PDLIM5: variants seen among roughly 807,000 people sequenced by gnomAD.
PDLIM5 encodes the protein PDZ and LIM domain protein 5.
A neutral mutation model predicts 64.2 loss-of-function variants in PDLIM5; 34 were observed. The ratio of observed to expected loss-of-function variants is 0.53; its 90% CI spans 0.40 to 0.71. The LOEUF (loss-of-function observed/expected upper bound fraction) is 0.71, where lower values mean the gene tolerates loss of function less well. PDLIM5 is among the 30% of genes least tolerant of loss of function. PDLIM5 has a pLI of 0.00. For synonymous variants in PDLIM5, 253 were observed against 269.1 expected (o/e 0.94, Z 0.59); for missense variants, 683 against 733.6 (o/e 0.93, Z 0.80).
rs755995638 is a variant in PDLIM5, at chr4:94,523,890, G to A, written c.248+15G>A. On this transcript the variant is annotated intron_variant, in intron 3 of 12. Coordinates refer to ENST00000317968, the MANE Select transcript of PDLIM5 (RefSeq NM_006457.5). ...ACTCTGCAAAGGTAAGTTGCTTTTTGTTTGTCCCTGAAAGAGAAAACAACA... is the reference window on the plus strand; with the variant it reads ...ACTCTGCAAAGGTAAGTTGCTTTTTATTTGTCCCTGAAAGAGAAAACAACA... The A allele has an allele frequency of 1.2e-6, 2 of 1,601,232 alleles. No individual in the cohort carries two copies. The highest frequency in any genetic ancestry group is 1.1e-5 in the South Asian group (1 of 90,198).
intron 8 of PDLIM5, among the ~76,000 whole-genome samples, chr4:94,637,414 C>T (rs1165396048): frequency 6.6e-6 from 1 of 151,954 alleles, no homozygotes; most frequent in Non-Finnish European, 1.5e-5. Context: ...CAAAAATTAG[C>T]CCAGCGTGGT....
intron 7 of PDLIM5, among the ~76,000 whole-genome samples, chr4:94,595,038 T>A (rs1736958032): frequency 6.6e-6 from 1 of 152,096 alleles, no homozygotes; most frequent in Admixed American, 6.6e-5. Flanking sequence ...AAGGGGAAGC[T>A]GGTACATCTT....
At chr4:94,540,752 C>G (rs1182885377) in intron 3 of PDLIM5, among the ~76,000 whole-genome samples, 1 of 152,202 alleles carries the variant, frequency 6.6e-6, no homozygotes, top group Non-Finnish European at 1.5e-5. Context: ...CTATTTAAAA[C>G]CTGTTCTGCT....
intron 3 of PDLIM5, among the ~76,000 whole-genome samples, chr4:94,532,764 C>T (rs1405800134): frequency 6.6e-6 from 1 of 152,054 alleles, no homozygotes; most frequent in East Asian, 1.9e-4. Context: ...TTTGGGAGGC[C>T]GTGGTGGGCA....
intron 3 of PDLIM5, among the ~76,000 whole-genome samples, chr4:94,535,685 T>C (rs1731260640): frequency 6.6e-6 from 1 of 152,160 alleles, no homozygotes; most frequent in African/African-American, 2.4e-5. Context: ...ATTATGCTTA[T>C]ATCTTGAACG....
At chr4:94,518,070 A>G (rs41505145) in intron 2 of PDLIM5, among the ~76,000 whole-genome samples, 4,070 of 152,316 alleles carry the variant, frequency 0.027, 85 homozygotes, top group Middle Eastern at 0.065. Flanking sequence ...TTTCATATAT[A>G]GACAATTCTA....
intron 2 of PDLIM5, among the ~76,000 whole-genome samples, chr4:94,489,276 C>A (rs937982733): frequency 2.0e-5 from 3 of 152,124 alleles, no homozygotes; most frequent in African/African-American, 7.2e-5. Flanking sequence ...GTCCCTGGTT[C>A]TGGAACTTTA....
At chr4:94,630,361 A>C (rs956430701) in intron 8 of PDLIM5, among the ~76,000 whole-genome samples, 1 of 151,918 alleles carries the variant, frequency 6.6e-6, no homozygotes, top group Non-Finnish European at 1.5e-5. Flanking sequence ...ATTAGTATCC[A>C]TTGATTGATA....
intron 3 of PDLIM5, among the ~76,000 whole-genome samples, chr4:94,524,501 T>C (rs1730161867): frequency 6.6e-6 from 1 of 151,908 alleles, no homozygotes; most frequent in Admixed American, 6.6e-5. Flanking sequence ...TATTAAAGGG[T>C]ATTCTTTTAG....
chr4:94,627,087 G>A (rs140150415), intron 8 of PDLIM5, among the ~76,000 whole-genome samples: 14 of 152,154 alleles, frequency 9.2e-5, no homozygotes, highest in East Asian at 7.7e-4. Flanking sequence ...TACCAGTTGC[G>A]TATATTTCAT....
rs368766780 is a variant in PDLIM5 at position 94,489,235 on chromosome 4, C to T, written c.96+33851C>T. On this transcript the variant is annotated intron_variant, in intron 2 of 12. Coordinates refer to ENST00000317968, the MANE Select transcript of PDLIM5 (RefSeq NM_006457.5). ...AGTAGCTGTGTTAGCAGCTGTGAACCGGGCCTATCTATGTCAGTCTGGAAT... is the reference window on the plus strand; with the variant it reads ...AGTAGCTGTGTTAGCAGCTGTGAACTGGGCCTATCTATGTCAGTCTGGAAT... 1.1e-3 allele frequency among the ~76,000 whole-genome samples: 169 copies of T among 152,174 alleles called. 3 individuals carry two copies. The Middle Eastern group carries it at 0.017, about 15-fold the overall frequency.
intron 7 of PDLIM5, among the ~76,000 whole-genome samples, chr4:94,593,607 G>A (rs1366675896): frequency 3.9e-5 from 6 of 152,032 alleles, no homozygotes; most frequent in African/African-American, 1.2e-4. Context: ...GTTCTATTGG[G>A]TCAGGGTCCC....
chr4:94,560,875 C>A (rs923317844), intron 3 of PDLIM5, among the ~76,000 whole-genome samples: 6 of 151,998 alleles, frequency 3.9e-5, no homozygotes, highest in African/African-American at 1.4e-4. Flanking sequence ...TACAGTCGCC[C>A]GCCACCACGC....
At position 94,487,816 on chromosome 4, in the gene PDLIM5, G is replaced by A. The variant is rs1726490929; in HGVS notation, c.96+32432G>A. Among the ~76,000 whole-genome samples, 3 of 152,180 alleles carry A rather than the reference G, an allele frequency of 2.0e-5. No individual in the cohort carries two copies. The South Asian group carries it at 6.2e-4, about 32-fold the overall frequency. ...TGTTTCTTAAGAAACTTGAAAGGGT[G>A]TATAGGAGTCTCTGGAACAGCGTTG... On this transcript the variant is annotated intron_variant, in intron 2 of 12. Transcript: ENST00000317968.
chr4:94,568,023 A>T (rs1279590064), intron 3 of PDLIM5, among the ~76,000 whole-genome samples: 2 of 152,352 alleles, frequency 1.3e-5, no homozygotes, highest in South Asian at 2.1e-4. Flanking sequence ...TTCATTTCTT[A>T]TATCAGTATC....
intron 2 of PDLIM5, among the ~76,000 whole-genome samples, chr4:94,507,850 A>G (rs1728522395): frequency 6.6e-6 from 1 of 152,206 alleles, no homozygotes; most frequent in South Asian, 2.1e-4. Context: ...ATGAATCAGC[A>G]GACAGTGTGC....
At chr4:94,555,745 G>A (rs1028440502) in intron 3 of PDLIM5, among the ~76,000 whole-genome samples, 1 of 151,620 alleles carries the variant, frequency 6.6e-6, no homozygotes, top group Non-Finnish European at 1.5e-5. Context: ...CTAACTACAA[G>A]GTATAGGTAT....
At chr4:94,556,254 C>G (rs1365576248) in intron 3 of PDLIM5, among the ~76,000 whole-genome samples, 1 of 152,102 alleles carries the variant, frequency 6.6e-6, no homozygotes, top group Non-Finnish European at 1.5e-5. Flanking sequence ...TTTATGACTG[C>G]ATAGTGTTCC....
intron 2 of PDLIM5, among the ~76,000 whole-genome samples, chr4:94,479,958 A>G (rs1411056914): frequency 6.6e-6 from 1 of 152,196 alleles, no homozygotes; most frequent in Non-Finnish European, 1.5e-5. Context: ...CCTGGAGAAA[A>G]TATCACTAGG....
Sources: gnomAD v4.1 joint callset for allele counts (sites outside exome capture counted in the v4.1 genomes callset) on GRCh38, gnomAD v4.1.1 for gene constraint, MANE v1.5 for transcripts, NCBI Gene and HGNC (gene_info 2026-07-23, HGNC 2026-07-21) for gene names.